PCDHGA5: variants seen among roughly 807,000 people sequenced by gnomAD.
The protein encoded by PCDHGA5 is protocadherin gamma-A5.
Under a neutral mutation model 56.7 loss-of-function variants are expected in PCDHGA5, and 36 were observed. That is an observed-to-expected ratio of 0.64 (90% CI 0.49 to 0.84). The LOEUF is 0.84. PCDHGA5 is among the 40% of genes least tolerant of loss of function. The probability of loss-of-function intolerance (pLI) is 0.00; values close to 1 mark genes in which losing one functional copy is unlikely to be tolerated. For synonymous variants in PCDHGA5, 563 were observed against 520.2 expected (o/e 1.08, Z -1.12); for missense variants, 1,305 against 1,201.5 (o/e 1.09, Z -1.27).
chr5:141,456,087 C>T (rs1218579202), intron 1 of PCDHGA5, among the ~76,000 whole-genome samples: 1 of 151,886 alleles, frequency 6.6e-6, no homozygotes, highest in Non-Finnish European at 1.5e-5. Context: ...TCAGTAGAGA[C>T]GGGATTTCAC....
chr5:141,457,579 A>G (rs557894260), intron 1 of PCDHGA5, among the ~76,000 whole-genome samples: 123 of 152,346 alleles, frequency 8.1e-4, no homozygotes, highest in Non-Finnish European at 1.4e-3. Flanking sequence ...TTTTCTCTCC[A>G]GTCCTCATTT....
chr5:141,461,773 C>T (rs894271810), intron 1 of PCDHGA5, among the ~76,000 whole-genome samples: 3 of 152,108 alleles, frequency 2.0e-5, no homozygotes, highest in Non-Finnish European at 4.4e-5. Context: ...CCTGCCTCAG[C>T]CTCCCAAGTA....
At position 141,365,075 on chromosome 5, in the gene PCDHGA5, G is replaced by A. The variant is rs754573655; in HGVS notation, c.745G>A (p.Val249Met). 1 of 1,613,842 alleles carries A rather than the reference G, an allele frequency of 6.2e-7. No individual in the cohort carries two copies. ...APLFTPSEYS[V>M]SVPENIPVGT... ...CCTGTTCACCCCATCCGAGTACAGCGTGAGTGTTCCAGAGAACATACCTGT... is the reference window on the plus strand; with the variant it reads ...CCTGTTCACCCCATCCGAGTACAGCATGAGTGTTCCAGAGAACATACCTGT... The change falls in exon 1 of 4, where the codon GTG becomes ATG. Residue 249 changes from valine to methionine, a missense_variant. By Grantham distance (21) the Val-to-Met change is conservative. Coordinates refer to ENST00000518069, the MANE Select transcript of PCDHGA5 (RefSeq NM_018918.3).
rs781198519 is a variant in PCDHGA5 at position 141,432,162 on chromosome 5, G to A, written c.2422-62645G>A. ...TATATCCCAGAGAACAATCCCAGAG[G>A]AGTTTCCCTCGTCTCTGTGACCGCC... On this transcript the variant is annotated intron_variant, in intron 1 of 3. Coordinates refer to ENST00000518069, the MANE Select transcript of PCDHGA5 (RefSeq NM_018918.3). The surrounding 1 kb of genome is among the most constrained non-coding windows in gnomAD (Gnocchi z 6.0). 1 of 1,614,070 alleles carries A rather than the reference G, an allele frequency of 6.2e-7. No homozygotes were observed. The highest frequency in any genetic ancestry group is 8.5e-7 in the Non-Finnish European group (1 of 1,180,030).
At chr5:141,392,879 G>A in intron 1 of PCDHGA5, 2 of 1,613,512 alleles carry the variant, frequency 1.2e-6, no homozygotes, top group South Asian at 1.1e-5. Flanking sequence ...TGCTGGGAAC[G>A]CTGTGGGAAA....
chr5:141,479,435 G>C (rs2099495981), intron 1 of PCDHGA5: 1 of 152,218 alleles, frequency 6.6e-6, no homozygotes, highest in Non-Finnish European at 1.5e-5. Context: ...TCAATCCACT[G>C]TCTGCACTAA....
In PCDHGA5 at chr5:141,485,109, C is replaced by A; in HGVS notation, c.2422-9698C>A. ...AGATAGGTGTCTCCAGCTGCTGTGG[C>A]TGTTTGGGGCGGGTCGGCTTCATCC... On this transcript the variant is annotated intron_variant, in intron 1 of 3. Transcript: ENST00000518069. This position sits in a 1 kb window ranked among gnomAD's most constrained non-coding sequence, Gnocchi z 5.7. The A allele has an allele frequency of 1.6e-6, 2 of 1,230,962 alleles. No individual in the cohort carries two copies. The highest frequency in any genetic ancestry group is 2.4e-6 in the Non-Finnish European group (2 of 850,024). The allele number at this position is 1,230,962 out of a possible 1,614,324, so 76.3% of individuals were successfully genotyped here.
chr5:141,393,574 A>T (rs2092798550), intron 1 of PCDHGA5: 2 of 1,613,798 alleles, frequency 1.2e-6, no homozygotes, highest in Non-Finnish European at 1.7e-6. Context: ...GTCCTTGAGA[A>T]CATGCCCCCA....
At chr5:141,391,107 T>C (rs1225302584) in intron 1 of PCDHGA5, 1 of 152,098 alleles carries the variant, frequency 6.6e-6, no homozygotes, top group African/African-American at 2.4e-5. Context: ...CCTAAACTAA[T>C]ATAGCTAGAG....
intron 1 of PCDHGA5, chr5:141,370,456 T>C (rs889377616): frequency 6.2e-7 from 1 of 1,611,944 alleles, no homozygotes; most frequent in African/African-American, 1.3e-5. Context: ...TTTCTCTTCC[T>C]GCTCTCTTTG....
chr5:141,394,509 G>T lies in PCDHGA5; in HGVS notation c.2421+27758G>T, dbSNP rs367855808. 10 of 1,614,028 alleles carry T rather than the reference G, an allele frequency of 6.2e-6. No homozygotes were observed. The highest frequency in any genetic ancestry group is 7.6e-6 in the Non-Finnish European group (9 of 1,180,034). On this transcript the variant is annotated intron_variant, in intron 1 of 3. Transcript: ENST00000518069. ...CAACGCGCCCGAGATCCTGTACCCCGCCCTCCCCACAGACGGTTCCACTGG... is the reference window on the plus strand; with the variant it reads ...CAACGCGCCCGAGATCCTGTACCCCTCCCTCCCCACAGACGGTTCCACTGG...
At chr5:141,439,077 C>T (rs978045948) in intron 1 of PCDHGA5, among the ~76,000 whole-genome samples, 1 of 151,492 alleles carries the variant, frequency 6.6e-6, no homozygotes, top group Non-Finnish European at 1.5e-5. Flanking sequence ...CCTGTAATCC[C>T]AGCTACTCAG....
At chr5:141,418,563 C>T in intron 1 of PCDHGA5, 2 of 1,613,998 alleles carry the variant, frequency 1.2e-6, no homozygotes, top group Non-Finnish European at 1.7e-6. Context: ...GTAATAGATG[C>T]CAATGACAAC....
At chr5:141,422,074 C>A (rs886758924) in intron 1 of PCDHGA5, 1 of 1,612,264 alleles carries the variant, frequency 6.2e-7, no homozygotes, top group African/African-American at 1.3e-5. Flanking sequence ...GTATTCATTT[C>A]GGAACATGGA....
In PCDHGA5 at chr5:141,485,115, G is replaced by T. The variant is rs1043877839; in HGVS notation, c.2422-9692G>T. On this transcript the variant is annotated intron_variant, in intron 1 of 3. Transcript: ENST00000518069. This position sits in a 1 kb window ranked among gnomAD's most constrained non-coding sequence, Gnocchi z 5.7. ...GTGTCTCCAGCTGCTGTGGCTGTTT[G>T]GGGCGGGTCGGCTTCATCCGCGTCT... The T allele has an allele frequency of 3.8e-6, 5 of 1,300,464 alleles. No homozygotes were observed. The African/African-American group carries it at 5.8e-5, about 15-fold the overall frequency. The allele number at this position is 1,300,464 out of a possible 1,614,324, so 80.6% of individuals were successfully genotyped here.
chr5:141,375,656 T>C (rs891549331), intron 1 of PCDHGA5: 2 of 1,614,080 alleles, frequency 1.2e-6, no homozygotes, highest in Non-Finnish European at 1.7e-6. Flanking sequence ...CTATGAGCAG[T>C]TGAGAGACCT....
intron 1 of PCDHGA5, among the ~76,000 whole-genome samples, chr5:141,464,077 C>T (rs891173261): frequency 1.3e-5 from 2 of 151,950 alleles, no homozygotes; most frequent in African/African-American, 4.8e-5. Context: ...CCAGCCTGGC[C>T]AACATGGTGA....
Position 141,490,142 on chromosome 5 carries a change from C to A in PCDHGA5, c.2422-4665C>A. On this transcript the variant is annotated intron_variant, in intron 1 of 3. Coordinates refer to ENST00000518069, the MANE Select transcript of PCDHGA5 (RefSeq NM_018918.3). This position sits in a 1 kb window ranked among gnomAD's most constrained non-coding sequence, Gnocchi z 5.4. The stretch of plus-strand genomic sequence containing the variant: ...TTTGGCCTAGACCCTAGCAGTGGGG[C>A]AATCCATGTGTTGGGTCCCATAGAC... The A allele has an allele frequency of 1.9e-6, 3 of 1,614,220 alleles. No individual in the cohort carries two copies. The highest frequency in any genetic ancestry group is 2.7e-5 in the African/African-American group (2 of 75,060).
intron 1 of PCDHGA5, chr5:141,408,243 G>T: frequency 6.3e-7 from 1 of 1,583,996 alleles, no homozygotes; most frequent in African/African-American, 1.3e-5. Context: ...GCCGGCCCGC[G>T]GCAGGTGCTA....
Sources: allele counts gnomAD v4.1 joint callset (sites outside exome capture counted in the v4.1 genomes callset), GRCh38; gene constraint gnomAD v4.1.1; non-coding constraint Gnocchi (gnomAD v3.1); transcripts MANE v1.5; gene names NCBI Gene and HGNC (gene_info 2026-07-23, HGNC 2026-07-21).